CEP128: variants seen among roughly 807,000 people sequenced by gnomAD.
CEP128 encodes the protein centrosomal protein 128.
Under a neutral mutation model 156.7 loss-of-function variants are expected in CEP128, and 132 were observed. The observed-to-expected ratio is 0.84, with a 90% CI of 0.73 to 0.97. The LOEUF is 0.97. Among genes scored for constraint, CEP128 ranks in the 50% least tolerant of loss-of-function variants. CEP128 has a pLI of 0.00. For missense variants in CEP128, 1,252 were observed against 1,281.9 expected, an observed-to-expected ratio of 0.98 and a Z score of 0.36; for synonymous variants, 469 against 448.9, an observed-to-expected ratio of 1.04 and a Z score of -0.57.
chr14:80,891,922 T>A (rs1181827482), intron 8 of CEP128, among the ~76,000 whole-genome samples: 1 of 151,218 alleles, frequency 6.6e-6, no homozygotes, highest in Admixed American at 6.6e-5. Flanking sequence ...GACAAAATAA[T>A]GAAAAAATAA....
chr14:80,666,032 C>A (rs1235342699), intron 19 of CEP128, among the ~76,000 whole-genome samples: 1 of 152,010 alleles, frequency 6.6e-6, no homozygotes, highest in Non-Finnish European at 1.5e-5. Context: ...TTTCCAATTG[C>A]AAAGTCAAAG....
intron 9 of CEP128, among the ~76,000 whole-genome samples, chr14:80,851,655 A>T (rs1192662434): frequency 2.6e-5 from 4 of 152,094 alleles, no homozygotes; most frequent in East Asian, 1.9e-4. Flanking sequence ...AAGTTAAAAA[A>T]AAATAAATAA....
At chr14:80,494,944 G>A (rs1455887063), downstream of CEP128, among the ~76,000 whole-genome samples, 4 of 152,100 alleles carry the variant, frequency 2.6e-5, no homozygotes, top group African/African-American at 9.7e-5. Context: ...TATGACCTTA[G>A]CCAATGGGAA....
chr14:80,710,315 G>A (rs1897357200), intron 19 of CEP128, among the ~76,000 whole-genome samples: 1 of 151,960 alleles, frequency 6.6e-6, no homozygotes, highest in South Asian at 2.1e-4. Flanking sequence ...ATTACAGTAT[G>A]ATATATTGAG....
chr14:80,667,674 C>T (rs1037616263), intron 19 of CEP128, among the ~76,000 whole-genome samples: 9 of 151,914 alleles, frequency 5.9e-5, no homozygotes, highest in African/African-American at 1.7e-4. Context: ...CTGGCTAACA[C>T]GGTGAAACCC....
At chr14:80,829,764 G>C (rs1885683139) in intron 13 of CEP128, among the ~76,000 whole-genome samples, 1 of 152,114 alleles carries the variant, frequency 6.6e-6, no homozygotes, top group East Asian at 1.9e-4. Flanking sequence ...ACTAACCCAA[G>C]AGGACTCAAA....
At chr14:80,638,210 T>C (rs561695744) in intron 19 of CEP128, among the ~76,000 whole-genome samples, 1 of 152,330 alleles carries the variant, frequency 6.6e-6, no homozygotes, top group East Asian at 1.9e-4. Context: ...GAACAATGAA[T>C]GGCCAAATCG....
rs1566831391 is a variant in CEP128, at chr14:80,647,011, ATGTGTGTGTATATATATGTGTGCATG to A, written c.2807-66614_2807-66589del. Among the ~76,000 whole-genome samples, 457 of 71,994 alleles carry A rather than the reference ATGTGTGTGTATATATATGTGTGCATG, an allele frequency of 6.3e-3. 2 individuals are homozygous for A. Among genetic ancestry groups the A allele is most frequent in the South Asian group, 0.011 (23 of 2,086 alleles). 47.2% of individuals were successfully genotyped at this position (71,994 alleles called of 152,430 possible). A position where few individuals can be genotyped will look rare whatever the true frequency, so the allele number is the denominator to read the frequency against. ...TTATAAGAAATATATATATATATAT[ATGTGTGTGTATATATATGTGTGCATG>A]TATATATATATATATATATATATAT... On this transcript the variant is annotated intron_variant, in intron 19 of 24. Coordinates refer to ENST00000555265, the MANE Select transcript of CEP128 (RefSeq NM_152446.5).
intron 4 of CEP128, among the ~76,000 whole-genome samples, chr14:80,909,371 TCACACACA>T (rs36082524): frequency 1.7e-4 from 24 of 142,432 alleles, no homozygotes; most frequent in South Asian, 7.0e-4. Context: ...AAGTGAATTT[TCACACACA>T]CACACACACA....
chr14:80,698,793 T>C (rs375280152), intron 19 of CEP128, among the ~76,000 whole-genome samples: 89 of 152,266 alleles, frequency 5.8e-4, no homozygotes, highest in African/African-American at 2.1e-3. Flanking sequence ...AAAGTAAATA[T>C]TAAAGTATCA....
chr14:80,792,496 C>T (rs1393853220), intron 14 of CEP128, among the ~76,000 whole-genome samples: 1 of 152,138 alleles, frequency 6.6e-6, no homozygotes, highest in African/African-American at 2.4e-5. Flanking sequence ...ATATAGGAAA[C>T]TTACACCTAA....
At chr14:80,641,429 A>G (rs1894402308) in intron 19 of CEP128, among the ~76,000 whole-genome samples, 1 of 152,214 alleles carries the variant, frequency 6.6e-6, no homozygotes, top group Admixed American at 6.5e-5. Flanking sequence ...AGTTTTATCA[A>G]GTACCAGTTT....
At chr14:80,925,493 G>A (rs1199572716) in intron 2 of CEP128, among the ~76,000 whole-genome samples, 4 of 152,164 alleles carry the variant, frequency 2.6e-5, no homozygotes, top group African/African-American at 9.7e-5. Context: ...TTCATTGTCT[G>A]CTCTTTGCAA....
At chr14:80,838,614 T>C (rs1886202835) in intron 10 of CEP128, among the ~76,000 whole-genome samples, 1 of 152,128 alleles carries the variant, frequency 6.6e-6, no homozygotes, top group Non-Finnish European at 1.5e-5. Flanking sequence ...CCAAGATCCC[T>C]TCCAGTTCTA....
intron 17 of CEP128, among the ~76,000 whole-genome samples, chr14:80,759,906 A>AGG (rs869046862): frequency 1.0e-4 from 5 of 48,456 alleles, no homozygotes; most frequent in Admixed American, 6.9e-4. Context: ...GCATATATAT[A>AGG]GGTGTGTGTG....
At chr14:80,817,136 A>G (rs1004122617) in intron 13 of CEP128, among the ~76,000 whole-genome samples, 3 of 152,158 alleles carry the variant, frequency 2.0e-5, no homozygotes, top group Admixed American at 2.0e-4. Context: ...GAGACTACAC[A>G]CATGATGGAG....
chr14:80,848,919 CA>C (rs35574896), intron 9 of CEP128, among the ~76,000 whole-genome samples: 4 of 141,120 alleles, frequency 2.8e-5, no homozygotes, highest in Non-Finnish European at 4.6e-5. Context: ...GAGACTGTCT[CA>C]AAAAAAAAAC....
At chr14:80,956,231 TA>T (rs969144441) in intron 2 of CEP128, among the ~76,000 whole-genome samples, 2 of 152,210 alleles carry the variant, frequency 1.3e-5, no homozygotes, top group Non-Finnish European at 2.9e-5. Flanking sequence ...CCTTGGGTAA[TA>T]AAAAATTGCA....
intron 13 of CEP128, chr14:80,830,348 T>C (rs1305245892): frequency 4.6e-6 from 2 of 437,406 alleles, no homozygotes; most frequent in African/African-American, 4.0e-5. Flanking sequence ...TATATAAAAT[T>C]AGGTGCTTTT....
Sources: allele counts gnomAD v4.1 joint callset (sites outside exome capture counted in the v4.1 genomes callset), GRCh38; gene constraint gnomAD v4.1.1; transcripts MANE v1.5; gene names NCBI Gene and HGNC (gene_info 2026-07-23, HGNC 2026-07-21).